Variants in ENAH observed in about 807,000 individuals in gnomAD.
ENAH encodes protein enabled homolog.
A neutral mutation model predicts 78.7 loss-of-function variants in ENAH; 23 were observed. The observed-to-expected ratio is 0.29, with a 90% CI of 0.21 to 0.41. ENAH has a LOEUF of 0.41. Ranked by LOEUF, ENAH falls within the 10% of genes least tolerant of loss-of-function variation. The probability of loss-of-function intolerance (pLI) is 1.00; values close to 1 mark genes in which losing one functional copy is unlikely to be tolerated. For missense variants in ENAH, 544 were observed against 691.0 expected (o/e 0.79, Z 2.39); for synonymous variants, 226 against 241.0 (o/e 0.94, Z 0.58).
intron 5 of ENAH, chr1:225,517,629 C>CAA: frequency 6.5e-7 from 1 of 1,550,184 alleles, no homozygotes. Context: ...GAGGGAGGGG[C>CAA]GAAAAATTGG....
intron 12 of ENAH, among the ~76,000 whole-genome samples, chr1:225,500,723 C>G (rs575884521): frequency 1.3e-5 from 2 of 152,294 alleles, no homozygotes; most frequent in South Asian, 4.1e-4. Flanking sequence ...TTTACAACTG[C>G]GTACCATGCA....
chr1:225,589,557 C>T (rs2096865397), intron 1 of ENAH, among the ~76,000 whole-genome samples: 1 of 152,178 alleles, frequency 6.6e-6, no homozygotes, highest in South Asian at 2.1e-4. Flanking sequence ...TACACATCCT[C>T]TGGTATACTT....
chr1:225,606,578 C>T (rs6687755), intron 1 of ENAH, among the ~76,000 whole-genome samples: 18,367 of 151,826 alleles, frequency 0.12, 1,915 homozygotes, highest in African/African-American at 0.28. Flanking sequence ...CCAGATGCAG[C>T]GGTTCACGCC....
chr1:225,617,001 A>C lies in ENAH; in HGVS notation c.5+35685T>G, dbSNP rs1238790287. Among the ~76,000 whole-genome samples the C allele has an allele frequency of 2.0e-5, 3 of 152,084 alleles. No individual in the cohort carries two copies. The East Asian group carries it at 5.8e-4, about 29-fold the overall frequency. ...GTAATCCCAGCTACTCGGGAGGTTG[A>C]GGCAGGAGAATCGCTTGAACCTGGG... On this transcript the variant is annotated intron_variant, in intron 1 of 13. Transcript: ENST00000366843.
intron 10 of ENAH, among the ~76,000 whole-genome samples, chr1:225,511,263 G>A (rs553818035): frequency 3.3e-5 from 5 of 152,094 alleles, no homozygotes; most frequent in East Asian, 1.9e-4. Flanking sequence ...TAATGAGTTC[G>A]TATTCTCATC....
chr1:225,601,204 A>C (rs1483687268), intron 1 of ENAH, among the ~76,000 whole-genome samples: 1 of 152,174 alleles, frequency 6.6e-6, no homozygotes, highest in Non-Finnish European at 1.5e-5. Context: ...AAAAAATTCA[A>C]GTTCTCAACA....
At chr1:225,640,767 C>T (rs1156673411) in intron 1 of ENAH, among the ~76,000 whole-genome samples, 3 of 151,576 alleles carry the variant, frequency 2.0e-5, no homozygotes, top group Non-Finnish European at 1.5e-5. Flanking sequence ...TCAATAACAG[C>T]GATTACATTT....
chr1:225,549,995 ACT>A (rs998171001), intron 3 of ENAH, among the ~76,000 whole-genome samples: 7 of 151,896 alleles, frequency 4.6e-5, no homozygotes, highest in Admixed American at 1.3e-4. Flanking sequence ...TCCTTCAATG[ACT>A]CTTCACCACC....
intron 1 of ENAH, among the ~76,000 whole-genome samples, chr1:225,609,868 T>A (rs558558400): frequency 6.6e-6 from 1 of 152,118 alleles, no homozygotes; most frequent in Admixed American, 6.5e-5. Context: ...TTTTGCTATG[T>A]TGGCCAGGCT....
rs544620192 is a variant in ENAH, at chr1:225,621,828, G to T, written c.5+30858C>A. The stretch of plus-strand genomic sequence containing the variant: ...CCTAATCAGAAATTAGTTACTCTCT[G>T]TGACATACCTATCCTCCTTCTCAAA... On this transcript the variant is annotated intron_variant, in intron 1 of 13. Coordinates refer to ENST00000366843, the MANE Select transcript of ENAH (RefSeq NM_018212.6). Among the ~76,000 whole-genome samples, 3 of 152,202 alleles carry T rather than the reference G, an allele frequency of 2.0e-5. No homozygotes were observed. The South Asian group carries it at 6.2e-4, about 32-fold the overall frequency.
intron 2 of ENAH, among the ~76,000 whole-genome samples, chr1:225,555,426 C>CA (rs1302607353): frequency 8.6e-5 from 13 of 152,008 alleles, no homozygotes; most frequent in African/African-American, 2.4e-4. Flanking sequence ...ACTAAAAATA[C>CA]AAAAAATTAG....
At chr1:225,593,692 C>G (rs966891556) in intron 1 of ENAH, among the ~76,000 whole-genome samples, 4 of 152,206 alleles carry the variant, frequency 2.6e-5, no homozygotes, top group Non-Finnish European at 1.5e-5. Context: ...AAGAGAATTA[C>G]TGGCCGTAAT....
chr1:225,593,400 TGGGGGGGGG>T, intron 1 of ENAH, among the ~76,000 whole-genome samples: 1 of 20,442 alleles, frequency 4.9e-5, no homozygotes, highest in Non-Finnish European at 9.2e-5. Flanking sequence ...TGTGTGTGTG[TGGGGGGGGG>T]GGGGGGGGTG....
intron 1 of ENAH, among the ~76,000 whole-genome samples, chr1:225,595,333 A>C (rs1575653744): frequency 7.1e-6 from 1 of 140,112 alleles, no homozygotes; most frequent in South Asian, 2.2e-4. Flanking sequence ...ACTCTGTCTC[A>C]AAAAAAAAAA....
At chr1:225,548,321 A>G (rs1023386496) in intron 3 of ENAH, among the ~76,000 whole-genome samples, 1 of 151,876 alleles carries the variant, frequency 6.6e-6, no homozygotes, top group Non-Finnish European at 1.5e-5. Context: ...CATGACTCAC[A>G]TTTTATAAAT....
intron 1 of ENAH, among the ~76,000 whole-genome samples, chr1:225,628,061 C>T (rs1244768206): frequency 6.6e-6 from 1 of 152,216 alleles, no homozygotes; most frequent in African/African-American, 2.4e-5. Flanking sequence ...AACTGGTAAA[C>T]CAGGCTTTCC....
At chr1:225,573,478 T>G (rs2096773465) in intron 1 of ENAH, among the ~76,000 whole-genome samples, 1 of 152,178 alleles carries the variant, frequency 6.6e-6, no homozygotes, top group Non-Finnish European at 1.5e-5. Context: ...TGGGAAAGAC[T>G]TGAGTTTTAC....
rs2096238495 is a variant in ENAH, at chr1:225,494,184, G to A, written c.*3591C>T. On this transcript the variant is annotated 3_prime_UTR_variant, in exon 14 of 14. Transcript: ENST00000366843. ...GAAGTGGAGAGGAGAATGGAGGGGG[G>A]AAGGGGAAAATTTGGGTCTGGTCAA... 1 of 151,764 alleles carries A rather than the reference G, an allele frequency of 6.6e-6. No individual in the cohort carries two copies. The allele number at this position is 151,764 out of a possible 1,614,324, so 9.4% of individuals were successfully genotyped here.
chr1:225,579,894 C>T (rs530934423), intron 1 of ENAH, among the ~76,000 whole-genome samples: 7 of 151,978 alleles, frequency 4.6e-5, no homozygotes, highest in African/African-American at 9.7e-5. Flanking sequence ...AGAAAAAGAA[C>T]CTTTCAATGT....
Sources: allele counts gnomAD v4.1 joint callset (sites outside exome capture counted in the v4.1 genomes callset), GRCh38; gene constraint gnomAD v4.1.1; transcripts MANE v1.5; gene names NCBI Gene and HGNC (gene_info 2026-07-23, HGNC 2026-07-21).